The following OPRM1 variants were observed in gnomAD, a reference collection of about 807,000 sequenced individuals.
The protein encoded by OPRM1 is opioid receptor mu 1.
In OPRM1, 27 loss-of-function variants were observed where a neutral mutation model predicts 31.8. That is an observed-to-expected ratio of 0.85 (90% CI 0.63 to 1.17). The LOEUF (loss-of-function observed/expected upper bound fraction) is 1.17, where lower values mean the gene tolerates loss of function less well. Ranked by LOEUF, OPRM1 falls within the 50% of genes most tolerant of loss-of-function variation. The pLI, the probability that OPRM1 is intolerant of heterozygous loss-of-function variation, is 0.00. For missense variants in OPRM1, 536 were observed against 511.1 expected, an observed-to-expected ratio of 1.05 and a Z score of -0.47; for synonymous variants, 196 against 189.9, an observed-to-expected ratio of 1.03 and a Z score of -0.26.
Position 154,089,818 on chromosome 6 carries a change from T to A in OPRM1, c.291-8T>A, listed in dbSNP as rs1791610613. Reference sequence around the variant, plus strand: ...ACTGATTCTCACTCTTCTTCCTTTATCTCCTAGATACACCAAGATGAAGAC... The same window carrying A: ...ACTGATTCTCACTCTTCTTCCTTTAACTCCTAGATACACCAAGATGAAGAC... On this transcript the variant is annotated splice_region_variant and splice_polypyrimidine_tract_variant and intron_variant, in intron 1 of 3. Coordinates refer to ENST00000330432, the MANE Select transcript of OPRM1 (RefSeq NM_000914.5). The A allele has an allele frequency of 4.4e-6, 7 of 1,589,746 alleles. No homozygotes were observed. The highest frequency in any genetic ancestry group is 5.2e-6 in the Non-Finnish European group (6 of 1,162,162).
chr6:154,179,724 T>C (rs1477896387), intron 3 of OPRM1, among the ~76,000 whole-genome samples: 1 of 152,136 alleles, frequency 6.6e-6, no homozygotes, highest in East Asian at 1.9e-4. Context: ...ATGAGAAAAA[T>C]AAAGATTCCG....
chr6:154,184,334 T>A (rs866491127), intron 3 of OPRM1, among the ~76,000 whole-genome samples: 34 of 152,158 alleles, frequency 2.2e-4, no homozygotes, highest in African/African-American at 7.7e-4. Flanking sequence ...TTTTGGAGAA[T>A]AAATAATACT....
chr6:154,180,246 C>T (rs1486761350), intron 3 of OPRM1, among the ~76,000 whole-genome samples: 1 of 152,002 alleles, frequency 6.6e-6, no homozygotes, highest in Non-Finnish European at 1.5e-5. Flanking sequence ...AGTGACCCTT[C>T]ACTTTTGTTA....
intron 1 of OPRM1, among the ~76,000 whole-genome samples, chr6:154,027,931 CCTAGAACCCCATGAACCTA>C (rs1778791613): frequency 6.6e-6 from 1 of 152,152 alleles, no homozygotes. Flanking sequence ...AAAGCCAAGT[CCTAGAACCCCATGAACCTA>C]CTAAGTACTC....
rs1583639774 is a variant in OPRM1 at position 154,131,199 on chromosome 6, C to A, written c.*12478C>A. Among the ~76,000 whole-genome samples the A allele has an allele frequency of 6.6e-6, 1 of 152,042 alleles. No homozygotes were observed. Among genetic ancestry groups the A allele is most frequent in the Admixed American group, 6.5e-5 (1 of 15,272 alleles). On this transcript the variant is annotated 3_prime_UTR_variant, in exon 4 of 4. Coordinates refer to ENST00000330432, the MANE Select transcript of OPRM1 (RefSeq NM_000914.5). Reference sequence around the variant, plus strand: ...ATTTGAAATTCAGGTAACTAATAACCCTTGGTTTTAAAAGATACATATAAT... The same window carrying A: ...ATTTGAAATTCAGGTAACTAATAACACTTGGTTTTAAAAGATACATATAAT...
At chr6:154,160,893 A>C (rs2128546994) in intron 3 of OPRM1, among the ~76,000 whole-genome samples, 1 of 152,286 alleles carries the variant, frequency 6.6e-6, no homozygotes, top group Non-Finnish European at 1.5e-5. Flanking sequence ...CACTGCCTCC[A>C]ATGCCCACTT....
intron 1 of OPRM1, among the ~76,000 whole-genome samples, chr6:154,019,032 C>T (rs1387507370): frequency 2.6e-5 from 4 of 151,918 alleles, no homozygotes; most frequent in South Asian, 2.1e-4. Context: ...TTTTGATACA[C>T]GCATGCAATG....
intron 3 of OPRM1, among the ~76,000 whole-genome samples, chr6:154,186,701 C>T (rs1415456798): frequency 6.6e-6 from 1 of 152,036 alleles, no homozygotes; most frequent in African/African-American, 2.4e-5. Context: ...GGACTACAGG[C>T]GCCCGCCATC....
At chr6:154,150,258 T>TATCC (rs1798464317) in intron 3 of OPRM1, among the ~76,000 whole-genome samples, 2 of 152,242 alleles carry the variant, frequency 1.3e-5, no homozygotes, top group Admixed American at 1.3e-4. Flanking sequence ...AGGGATGGTA[T>TATCC]ATTAAGCCTA....
At chr6:154,086,695 A>G in intron 1 of OPRM1, 1 of 985,404 alleles carries the variant, frequency 1.0e-6, no homozygotes, top group Non-Finnish European at 1.2e-6. Context: ...ATGATGAGTC[A>G]GAAAACTGAC....
intron 3 of OPRM1, among the ~76,000 whole-genome samples, chr6:154,114,972 A>T (rs944807775): frequency 1.4e-4 from 22 of 152,164 alleles, no homozygotes; most frequent in African/African-American, 4.3e-4. Flanking sequence ...TGGCTCTTCC[A>T]ATCAAAAAAA....
chr6:154,223,415 G>GAT (rs1779016994), intron 3 of OPRM1, among the ~76,000 whole-genome samples: 1 of 152,210 alleles, frequency 6.6e-6, no homozygotes, highest in Non-Finnish European at 1.5e-5. Context: ...TCATGAGAAA[G>GAT]ATTAATGTTC....
intron 3 of OPRM1, among the ~76,000 whole-genome samples, chr6:154,193,136 A>G (rs905057147): frequency 1.2e-4 from 18 of 152,212 alleles, no homozygotes; most frequent in Non-Finnish European, 2.6e-4. Flanking sequence ...ATCAGTCAAC[A>G]AGTGGATAAA....
chr6:154,044,588 GT>G (rs1780734027), intron 1 of OPRM1, among the ~76,000 whole-genome samples: 1 of 151,650 alleles, frequency 6.6e-6, no homozygotes, highest in Non-Finnish European at 1.5e-5. Context: ...TAAGCTAATT[GT>G]TTTAATTAAT....
At chr6:154,238,466 A>G (rs1413484405) in intron 3 of OPRM1, among the ~76,000 whole-genome samples, 4 of 151,992 alleles carry the variant, frequency 2.6e-5, no homozygotes, top group Non-Finnish European at 4.4e-5. Context: ...GGGTTTCTCC[A>G]TGTTGGTCAG....
At position 154,048,311 on chromosome 6, in the gene OPRM1, T is replaced by C. The variant is rs115663071; in HGVS notation, c.290+8477T>C. 6.0e-3 allele frequency among the ~76,000 whole-genome samples: 916 copies of C among 152,344 alleles called. 14 individuals carry two copies. Among genetic ancestry groups the C allele is most frequent in the African/African-American group, 0.021 (872 of 41,586 alleles). Reference sequence around the variant, plus strand: ...ATTTTTCTTTCTCTCTGTTTTCCTGTAACGTATCTCTCATTCTTTTCCTAT... The same window carrying C: ...ATTTTTCTTTCTCTCTGTTTTCCTGCAACGTATCTCTCATTCTTTTCCTAT... On this transcript the variant is annotated intron_variant, in intron 1 of 3. Transcript: ENST00000330432.
intron 1 of OPRM1, among the ~76,000 whole-genome samples, chr6:154,061,780 C>G (rs1784474796): frequency 6.6e-6 from 1 of 151,258 alleles, no homozygotes; most frequent in African/African-American, 2.4e-5. Flanking sequence ...TGCAATTTAC[C>G]TATGTAATAA....
intron 2 of OPRM1, among the ~76,000 whole-genome samples, chr6:154,090,381 G>T (rs773800329): frequency 6.6e-6 from 1 of 152,160 alleles, no homozygotes; most frequent in Non-Finnish European, 1.5e-5. Flanking sequence ...CCTTTAAAGA[G>T]AATGTAATCT....
rs1245279254 is a variant in OPRM1 at position 154,119,075 on chromosome 6, A to G, written c.*354A>G. On this transcript the variant is annotated 3_prime_UTR_variant, in exon 4 of 4. Coordinates refer to ENST00000330432, the MANE Select transcript of OPRM1 (RefSeq NM_000914.5). ...AATATTTATGACCTCAACAAAGAAG[A>G]ACCATCTTTTGTTAAGTTCACCGTA... 1.9e-6 allele frequency: 2 copies of G among 1,028,330 alleles called. No homozygotes were observed. The highest frequency in any genetic ancestry group is 2.3e-6 in the Non-Finnish European group (2 of 857,656). 63.7% of individuals were successfully genotyped at this position (1,028,330 alleles called of 1,614,324 possible). A position where few individuals can be genotyped will look rare whatever the true frequency, so the allele number is the denominator to read the frequency against.
Sources: gnomAD v4.1 joint callset for allele counts (sites outside exome capture counted in the v4.1 genomes callset) on GRCh38, gnomAD v4.1.1 for gene constraint, MANE v1.5 for transcripts, NCBI Gene and HGNC (gene_info 2026-07-23, HGNC 2026-07-21) for gene names.